PCDHGB1: variants seen among roughly 807,000 people sequenced by gnomAD.
PCDHGB1 encodes protocadherin gamma subfamily B, 1.
In PCDHGB1, 34 loss-of-function variants were observed where a neutral mutation model predicts 56.6. The ratio of observed to expected loss-of-function variants is 0.60; its 90% CI spans 0.46 to 0.80. PCDHGB1 has a LOEUF of 0.80. PCDHGB1 is among the 30% of genes least tolerant of loss of function. The pLI, the probability that PCDHGB1 is intolerant of heterozygous loss-of-function variation, is 0.00. For synonymous variants in PCDHGB1, 561 were observed against 505.9 expected (o/e 1.11, Z -1.46); for missense variants, 1,278 against 1,204.6 (o/e 1.06, Z -0.90).
At chr5:141,370,718 G>T in intron 1 of PCDHGB1, 1 of 1,613,818 alleles carries the variant, frequency 6.2e-7, no homozygotes, top group Non-Finnish European at 8.5e-7. Flanking sequence ...AATTTGAAAT[G>T]GTTGCTGAAA....
In PCDHGB1 at chr5:141,485,556, A is replaced by T; in HGVS notation, c.2410-9251A>T. On this transcript the variant is annotated intron_variant, in intron 1 of 3. Coordinates refer to ENST00000523390, the MANE Select transcript of PCDHGB1 (RefSeq NM_018922.3). This position sits in a 1 kb window ranked among gnomAD's most constrained non-coding sequence, Gnocchi z 5.7. ...GAGGTAGAGATCGTAGATGTGAATG[A>T]TCACGCCCCCCGTTTTCCGCGGCAG... is the stretch of plus-strand genomic sequence containing the variant. The T allele has an allele frequency of 6.2e-7, 1 of 1,613,664 alleles. No homozygotes were observed. Among genetic ancestry groups the T allele is most frequent in the Non-Finnish European group, 8.5e-7 (1 of 1,179,644 alleles).
chr5:141,372,786 T>C (rs765183690), intron 1 of PCDHGB1: 6 of 1,605,480 alleles, frequency 3.7e-6, no homozygotes, highest in Non-Finnish European at 4.3e-6. Context: ...AGAAATGCCT[T>C]CTAATTCAGG....
chr5:141,409,481 A>G (rs1589715212), intron 1 of PCDHGB1: 1 of 1,613,968 alleles, frequency 6.2e-7, no homozygotes, highest in Non-Finnish European at 8.5e-7. Context: ...AGCCACTGAC[A>G]GGGGCAAGCC....
intron 1 of PCDHGB1, among the ~76,000 whole-genome samples, chr5:141,456,572 C>T (rs958661783): frequency 6.6e-6 from 1 of 152,168 alleles, no homozygotes; most frequent in Non-Finnish European, 1.5e-5. Flanking sequence ...CCACATTTTC[C>T]CTGAGCCTGT....
chr5:141,509,346 G>A (rs946395640), intron 3 of PCDHGB1, among the ~76,000 whole-genome samples: 7 of 152,194 alleles, frequency 4.6e-5, no homozygotes, highest in Non-Finnish European at 8.8e-5. Flanking sequence ...GCCTGGGCTG[G>A]CCTGGGCATC....
chr5:141,510,919 C>T (rs748157000), intron 3 of PCDHGB1, 28 bp from the exon 4 acceptor site: 1 of 1,613,894 alleles, frequency 6.2e-7, no homozygotes, highest in East Asian at 2.2e-5. Context: ...AAGTTTAGCT[C>T]CCACCTGATC....
intron 1 of PCDHGB1, chr5:141,414,606 A>C: frequency 6.2e-7 from 1 of 1,613,944 alleles, no homozygotes; most frequent in Non-Finnish European, 8.5e-7. Flanking sequence ...CCATCTTCTC[A>C]GTGACAGCGC....
rs115001531 is a variant in PCDHGB1, at chr5:141,495,385, G to A, written c.2468+520G>A. Among the ~76,000 whole-genome samples the A allele has an allele frequency of 2.2e-3, 339 of 152,328 alleles. 1 individual carries two copies. Among genetic ancestry groups the A allele is most frequent in the African/African-American group, 7.9e-3 (329 of 41,590 alleles). ...AGGTGGAACTGAGGAAGGACTGGGC[G>A]GGGCATGGAGCAGGCCCCCTTCTCC... On this transcript the variant is annotated intron_variant, in intron 2 of 3. Transcript: ENST00000523390.
In PCDHGB1 at chr5:141,431,320, C is replaced by A. The variant is rs993831541; in HGVS notation, c.2410-63487C>A. ...CCCTCATCGTGCAAAATGGAGCCGA[C>A]GGTAGTAAGTACCCCGAATTGGTGC... On this transcript the variant is annotated intron_variant, in intron 1 of 3. Transcript: ENST00000523390. This position sits in a 1 kb window ranked among gnomAD's most constrained non-coding sequence, Gnocchi z 4.8. 1 of 1,614,102 alleles carries A rather than the reference C, an allele frequency of 6.2e-7. No individual in the cohort carries two copies. The highest frequency in any genetic ancestry group is 1.7e-5 in the Admixed American group (1 of 60,032).
chr5:141,361,368 C>T, intron 1 of PCDHGB1: 2 of 1,613,970 alleles, frequency 1.2e-6, no homozygotes, highest in Non-Finnish European at 1.7e-6. Context: ...GCGCTCTGGA[C>T]CGGGAGGAGA....
chr5:141,420,613 A>G (rs536307424), intron 1 of PCDHGB1, among the ~76,000 whole-genome samples: 53 of 152,194 alleles, frequency 3.5e-4, no homozygotes, highest in Non-Finnish European at 1.9e-4. Flanking sequence ...CAAGTATTTC[A>G]TCTTCATTTA....
intron 1 of PCDHGB1, chr5:141,418,560 A>G (rs752240769): frequency 1.2e-6 from 2 of 1,614,034 alleles, no homozygotes; most frequent in Non-Finnish European, 1.7e-6. Context: ...CTGGTAATAG[A>G]TGCCAATGAC....
intron 1 of PCDHGB1, chr5:141,479,750 G>T: frequency 6.6e-6 from 1 of 152,310 alleles, no homozygotes. Context: ...CAATGTGAAA[G>T]GTAGATAAAT....
At chr5:141,354,444 T>C (rs1759543565) in intron 1 of PCDHGB1, among the ~76,000 whole-genome samples, 1 of 152,238 alleles carries the variant, frequency 6.6e-6, no homozygotes, top group Non-Finnish European at 1.5e-5. Context: ...AAACCTATTA[T>C]CCTATTTGTC....
At chr5:141,381,826 C>CTTTTTTTTTTTTTTTTTTTT (rs770630741) in intron 1 of PCDHGB1, among the ~76,000 whole-genome samples, 4 of 74,282 alleles carry the variant, frequency 5.4e-5, no homozygotes, top group Admixed American at 1.9e-4. Context: ...CTTTCTTCTT[C>CTTTTTTTTTTTTTTTTTTTT]TTTTTTTTTT....
intron 1 of PCDHGB1, chr5:141,394,278 T>C: frequency 6.2e-7 from 1 of 1,613,924 alleles, no homozygotes; most frequent in Non-Finnish European, 8.5e-7. Context: ...CCAGGTCACT[T>C]ACTCTGTGAC....
Position 141,443,030 on chromosome 5 carries a change from C to A in PCDHGB1, c.2410-51777C>A, listed in dbSNP as rs147317486. ...ATATGACTAATGGAAGTTGCCAGAC[C>A]TAAACTTTGAAAATTATTGTTCCAC... On this transcript the variant is annotated intron_variant, in intron 1 of 3. Transcript: ENST00000523390. Among the ~76,000 whole-genome samples, 31 of 152,290 alleles carry A rather than the reference C, an allele frequency of 2.0e-4. No individual in the cohort carries two copies. The East Asian group carries it at 3.5e-3, about 17-fold the overall frequency.
intron 1 of PCDHGB1, among the ~76,000 whole-genome samples, chr5:141,373,247 G>A (rs558862045): frequency 1.3e-5 from 2 of 152,208 alleles, no homozygotes; most frequent in African/African-American, 4.8e-5. Context: ...ACTTCCCTTT[G>A]CATGTTTTTA....
chr5:141,388,060 A>G lies in PCDHGB1; in HGVS notation c.2409+35391A>G, dbSNP rs1429863107. 16 of 1,381,916 alleles carry G rather than the reference A, an allele frequency of 1.2e-5. No individual in the cohort carries two copies. The highest frequency in any genetic ancestry group is 2.5e-5 in the East Asian group (1 of 40,268). The allele number at this position is 1,381,916 out of a possible 1,614,324, so 85.6% of individuals were successfully genotyped here. Reference sequence around the variant, plus strand: ...GCCACGGACCTGGGGTTCAGCGTCCAGGAGTTACCGACTCGAAAACTGCGC... The same window carrying G: ...GCCACGGACCTGGGGTTCAGCGTCCGGGAGTTACCGACTCGAAAACTGCGC... On this transcript the variant is annotated intron_variant, in intron 1 of 3. Transcript: ENST00000523390.
Sources: allele counts gnomAD v4.1 joint callset (sites outside exome capture counted in the v4.1 genomes callset), GRCh38; gene constraint gnomAD v4.1.1; non-coding constraint Gnocchi (gnomAD v3.1); transcripts MANE v1.5; gene names NCBI Gene and HGNC (gene_info 2026-07-23, HGNC 2026-07-21).